Variants in DIS3L observed in about 807,000 individuals in gnomAD.
The protein encoded by DIS3L is DIS3-like exonuclease 1.
A neutral mutation model predicts 120.3 loss-of-function variants in DIS3L; 100 were observed. The ratio of observed to expected loss-of-function variants is 0.83; its 90% CI spans 0.71 to 0.98. The LOEUF is 0.98. Among genes scored for constraint, DIS3L ranks in the 50% least tolerant of loss-of-function variants. The pLI is 0.00. For synonymous variants in DIS3L, 426 were observed against 470.6 expected, an observed-to-expected ratio of 0.91 and a Z score of 1.23; for missense variants, 1,196 against 1,314.2, an observed-to-expected ratio of 0.91 and a Z score of 1.39.
chr15:66,311,017 C>A (rs187619111), intron 4 of DIS3L, among the ~76,000 whole-genome samples: 1 of 143,628 alleles, frequency 7.0e-6, no homozygotes, highest in East Asian at 2.1e-4. Flanking sequence ...CACTTGTACT[C>A]CAGCATGGGC....
At chr15:66,305,975 T>C (rs2092699034) in intron 2 of DIS3L, among the ~76,000 whole-genome samples, 1 of 152,228 alleles carries the variant, frequency 6.6e-6, no homozygotes, top group South Asian at 2.1e-4. Flanking sequence ...TCGGCCAGCA[T>C]TGTGGGAAGG....
chr15:66,294,876 C>A, intron 1 of DIS3L, 112 bp from the exon 2 acceptor site: 1 of 1,124,280 alleles, frequency 8.9e-7, no homozygotes, highest in Non-Finnish European at 1.2e-6. Flanking sequence ...TTAAAAACTC[C>A]CACCATGGAG....
chr15:66,326,022 C>G lies in DIS3L; in HGVS notation c.1859C>G (p.Ala620Gly), dbSNP rs778594122. The G allele has an allele frequency of 2.5e-6, 4 of 1,614,106 alleles. No individual in the cohort carries two copies. Among genetic ancestry groups the G allele is most frequent in the Non-Finnish European group, 3.4e-6 (4 of 1,180,010 alleles). Reference protein sequence around the residue: ...FKDLDEKSRQAKLEELVWAIG... With the variant: ...FKDLDEKSRQGKLEELVWAIG... The stretch of plus-strand genomic sequence containing the variant: ...GACTTGGATGAGAAGAGCAGACAAG[C>G]CAAGCTGGAGGAGTTGGTGTGGGCA... The change falls in exon 12 of 17, where the codon GCC (alanine) becomes GGC (glycine). Residue 620 changes from alanine (A) to glycine (G), a missense_variant. Coordinates refer to ENST00000319212, the MANE Select transcript of DIS3L (RefSeq NM_001143688.3).
At chr15:66,313,968 C>T in intron 5 of DIS3L, 71 bp from the exon 6 acceptor site, 1 of 1,328,262 alleles carries the variant, frequency 7.5e-7, no homozygotes, top group South Asian at 1.4e-5. Flanking sequence ...ATTTTAAAAA[C>T]TGGACCTTTT....
chr15:66,307,390 G>A (rs1203512776), intron 3 of DIS3L, among the ~76,000 whole-genome samples: 1 of 151,838 alleles, frequency 6.6e-6, no homozygotes, highest in Admixed American at 6.6e-5. Context: ...TCGACCTCCT[G>A]AGCTCGAGTT....
chr15:66,332,504 G>GTGTGTGTGTGTA (rs151258463), intron 15 of DIS3L, among the ~76,000 whole-genome samples: 1 of 146,222 alleles, frequency 6.8e-6, no homozygotes, highest in African/African-American at 2.5e-5. Flanking sequence ...GTGTGTGTGT[G>GTGTGTGTGTGTA]TGTGTGTGTG....
intron 1 of DIS3L, chr15:66,294,507 C>T (rs2092564188): frequency 1.0e-6 from 1 of 987,094 alleles, no homozygotes; most frequent in Non-Finnish European, 1.2e-6. Context: ...TGGTGGGAAA[C>T]CTCACCTCTG....
At chr15:66,306,757 C>T (rs2092706395) in intron 2 of DIS3L, 67 bp from the exon 3 acceptor site, 3 of 1,590,984 alleles carry the variant, frequency 1.9e-6, no homozygotes, top group Admixed American at 1.7e-5. Context: ...TTTTTTGATC[C>T]TTAGCAAGAG....
chr15:66,323,081 T>A, intron 10 of DIS3L, 147 bp downstream of exon 10: 2 of 945,196 alleles, frequency 2.1e-6, no homozygotes, highest in East Asian at 5.2e-5. Context: ...CACTCTCCAT[T>A]TTCCTTTAGA....
chr15:66,329,648 A>T, intron 14 of DIS3L: 1 of 1,165,394 alleles, frequency 8.6e-7, no homozygotes, highest in South Asian at 2.4e-5. Flanking sequence ...GCATAAAGAT[A>T]TGATGACAGA....
chr15:66,319,642 A>T (rs1595747716), intron 8 of DIS3L, among the ~76,000 whole-genome samples: 1 of 152,314 alleles, frequency 6.6e-6, no homozygotes, highest in South Asian at 2.1e-4. Flanking sequence ...GAGACACTAA[A>T]GCAGGATGTC....
At chr15:66,302,783 T>G (rs2092662618) in intron 2 of DIS3L, among the ~76,000 whole-genome samples, 1 of 152,222 alleles carries the variant, frequency 6.6e-6, no homozygotes, top group Non-Finnish European at 1.5e-5. Context: ...ATGTTTGGTT[T>G]GTTTTTGCCA....
rs1245604844 is a variant in DIS3L at position 66,315,083 on chromosome 15, T to G, written c.862T>G (p.Ser288Ala). Residue 288 changes from serine (S) to alanine (A), a missense_variant, in exon 7 of 17, where the codon TCA (serine) becomes GCA (alanine). Ser to Ala is a moderately conservative substitution (Grantham distance 99). Coordinates refer to ENST00000319212, the MANE Select transcript of DIS3L (RefSeq NM_001143688.3). ...CCACGGGATGAAGGCTCGAAACCGC[T>G]CAATTCATGGAGATGTGGTAGTTGT... is the stretch of plus-strand genomic sequence containing the variant. ...LIHGMKARNRSIHGDVVVVEL... is the reference protein window; with the variant it reads ...LIHGMKARNRAIHGDVVVVEL... 1 of 1,614,072 alleles carries G rather than the reference T, an allele frequency of 6.2e-7. No individual in the cohort carries two copies.
Position 66,295,006 on chromosome 15 carries a change from G to C in DIS3L, c.158G>C (p.Ser53Thr). 1 of 1,613,456 alleles carries C rather than the reference G, an allele frequency of 6.2e-7. No homozygotes were observed. The change falls in exon 2 of 17, where the codon AGT (serine) becomes ACT (threonine). Residue 53 changes from serine to threonine, a missense_variant. Coordinates refer to ENST00000319212, the MANE Select transcript of DIS3L (RefSeq NM_001143688.3). The part of the protein sequence containing the change: ...ACSHDGKLLS[S>T]DVTHYVIPDW... ...GTTTCAGATGGGAAACTCTTGTCTA[G>C]TGATGTGACTCATTACGTGATCCCA...
intron 4 of DIS3L, among the ~76,000 whole-genome samples, chr15:66,311,050 TAAAAAAA>T (rs34815047): frequency 1.1e-5 from 1 of 88,552 alleles, no homozygotes; most frequent in African/African-American, 4.6e-5. Flanking sequence ...CCCTGTCCCT[TAAAAAAA>T]AAAAAAAAAA....
chr15:66,320,803 A>C lies in DIS3L; in HGVS notation c.1326+71A>C, dbSNP rs1445583131. ...CTTTTGTTGTTGTTTCATCATTAAGAAAGAAAAGTCTTTGTGCTGTGGAAC... is the reference window on the plus strand; with the variant it reads ...CTTTTGTTGTTGTTTCATCATTAAGCAAGAAAAGTCTTTGTGCTGTGGAAC... On this transcript the variant is annotated intron_variant, in intron 9 of 16. Transcript: ENST00000319212. 8.4e-6 allele frequency: 13 copies of C among 1,549,344 alleles called. No individual in the cohort carries two copies. The Admixed American group carries it at 2.6e-4, about 31-fold the overall frequency.
rs771315275 is a variant in DIS3L at position 66,333,163 on chromosome 15, G to C, written c.3016G>C (p.Glu1006Gln). Residue 1006 changes from glutamate (E) to glutamine (Q), a missense_variant, in exon 17 of 17, where the codon GAA (glutamate) becomes CAA (glutamine). Physicochemically the swap from Glu to Gln is conservative, Grantham distance 29 (BLOSUM62 2). Coordinates refer to ENST00000319212, the MANE Select transcript of DIS3L (RefSeq NM_001143688.3). ...LVKEVTKSVEEAQLAQEVKVN... is the reference protein window; with the variant it reads ...LVKEVTKSVEQAQLAQEVKVN... ...GAAAGAAGTAACTAAATCTGTGGAAGAAGCTCAGCTTGCCCAAGAAGTCAA... is the reference window on the plus strand; with the variant it reads ...GAAAGAAGTAACTAAATCTGTGGAACAAGCTCAGCTTGCCCAAGAAGTCAA... 20 of 1,613,862 alleles carry C rather than the reference G, an allele frequency of 1.2e-5. No individual in the cohort carries two copies. The highest frequency in any genetic ancestry group is 2.7e-5 in the African/African-American group (2 of 74,890).
chr15:66,293,632 G>A lies in DIS3L; in HGVS notation c.36G>A (p.Arg12=). ...AGCGGGAGAAGGTGCTGCTGCTGAG[G>A]ACCTTCCAGGGCCGCACGCTGCGGA... ...LQKREKVLLL[R]TFQGRTLRIV... Residue 12 remains arginine, a synonymous_variant, in exon 1 of 17, where the codon AGG becomes AGA. Coordinates refer to ENST00000319212, the MANE Select transcript of DIS3L (RefSeq NM_001143688.3). The A allele has an allele frequency of 6.9e-7, 1 of 1,448,178 alleles. No individual in the cohort carries two copies. The highest frequency in any genetic ancestry group is 9.1e-7 in the Non-Finnish European group (1 of 1,102,950). The allele number at this position is 1,448,178 out of a possible 1,614,324, so 89.7% of individuals were successfully genotyped here. A position where few individuals can be genotyped will look rare whatever the true frequency, so the allele number is the denominator to read the frequency against.
At chr15:66,302,680 G>C (rs2092661249) in intron 2 of DIS3L, among the ~76,000 whole-genome samples, 1 of 152,074 alleles carries the variant, frequency 6.6e-6, no homozygotes, top group Admixed American at 6.6e-5. Context: ...TCATCCTTCA[G>C]AGCTCATGGG....
Sources: gnomAD v4.1 joint callset for allele counts (sites outside exome capture counted in the v4.1 genomes callset) on GRCh38, gnomAD v4.1.1 for gene constraint, MANE v1.5 for transcripts, NCBI Gene and HGNC (gene_info 2026-07-23, HGNC 2026-07-21) for gene names.